The following RIGI variants were observed in gnomAD, a reference collection of about 807,000 sequenced individuals.
RIGI encodes RNA sensor RIG-I, also known as antiviral innate immune response receptor RIG-I.
the RIGI span, among the ~76,000 whole-genome samples, chr9:32,459,978 T>G: frequency 7.0e-6 from 1 of 142,816 alleles, no homozygotes; most frequent in East Asian, 2.0e-4. Context: ...AAATCTCAAC[T>G]TGAATTGTAT....
chr9:32,484,854 G>T, the RIGI span, among the ~76,000 whole-genome samples: 1 of 152,274 alleles, frequency 6.6e-6, no homozygotes, highest in African/African-American at 2.4e-5. Context: ...GTAGAGGAAT[G>T]GTGGTTTCAT....
the RIGI span, among the ~76,000 whole-genome samples, chr9:32,505,418 G>A: frequency 2.6e-5 from 4 of 152,048 alleles, no homozygotes; most frequent in African/African-American, 4.8e-5. Context: ...TATTGTGATT[G>A]TACTCTATAA....
chr9:32,468,909 T>C, the RIGI span, among the ~76,000 whole-genome samples: 1 of 152,160 alleles, frequency 6.6e-6, no homozygotes. Context: ...CTTGTTTCTT[T>C]CTCCTGCTAG....
chr9:32,476,152 T>G, the RIGI span, among the ~76,000 whole-genome samples: 5 of 151,930 alleles, frequency 3.3e-5, no homozygotes, highest in African/African-American at 1.2e-4. Context: ...TGACTAAAAT[T>G]TAAAAAGTAA....
At chr9:32,461,255 C>T in the RIGI span, among the ~76,000 whole-genome samples, 1 of 152,218 alleles carries the variant, frequency 6.6e-6, no homozygotes. Flanking sequence ...GATGAAGGAA[C>T]ACTGAGAATC....
At chr9:32,467,706 C>T in the RIGI span, 1 of 1,492,690 alleles carries the variant, frequency 6.7e-7, no homozygotes, top group East Asian at 2.3e-5. Flanking sequence ...GACACATACA[C>T]TTATAAATCA....
chr9:32,505,171 G>A, the RIGI span, among the ~76,000 whole-genome samples: 1 of 150,334 alleles, frequency 6.7e-6, no homozygotes, highest in East Asian at 1.9e-4. Context: ...ATAGGGAATA[G>A]AGAAAAACTT....
At chr9:32,502,017 TC>T in the RIGI span, among the ~76,000 whole-genome samples, 1 of 152,176 alleles carries the variant, frequency 6.6e-6, no homozygotes, top group African/African-American at 2.4e-5. Context: ...TAGCAGTCAT[TC>T]CCTACTCTCC....
At chr9:32,474,877 T>C in the RIGI span, among the ~76,000 whole-genome samples, 1 of 152,324 alleles carries the variant, frequency 6.6e-6, no homozygotes, top group South Asian at 2.1e-4. Context: ...TAAAGAGATA[T>C]ACTATGGTCA....
chr9:32,483,853 A>G, the RIGI span, among the ~76,000 whole-genome samples: 1 of 152,110 alleles, frequency 6.6e-6, no homozygotes, highest in East Asian at 1.9e-4. Context: ...GCCTTTGCAT[A>G]TGCTATTCCC....
chr9:32,459,222 T>A, the RIGI span: 5 of 994,502 alleles, frequency 5.0e-6, no homozygotes, highest in East Asian at 1.1e-4. Flanking sequence ...TTTAGTATTT[T>A]TTTTTCACTT....
the RIGI span, chr9:32,459,356 A>G: frequency 6.2e-7 from 1 of 1,610,788 alleles, no homozygotes; most frequent in East Asian, 2.2e-5. Context: ...GGCACTTTGT[A>G]AAAAGGCAGC....
chr9:32,487,390 C>G, the RIGI span: 1 of 1,334,448 alleles, frequency 7.5e-7, no homozygotes, highest in Non-Finnish European at 1.0e-6. Context: ...GGTCAAAGTT[C>G]AGTATTCGTC....
the RIGI span, among the ~76,000 whole-genome samples, chr9:32,494,979 T>C: frequency 6.6e-6 from 1 of 152,328 alleles, no homozygotes; most frequent in South Asian, 2.1e-4. Flanking sequence ...AATGCTACTA[T>C]CAACATGGAT....
chr9:32,512,599 C>T, the RIGI span, among the ~76,000 whole-genome samples: 1 of 152,180 alleles, frequency 6.6e-6, no homozygotes, highest in Non-Finnish European at 1.5e-5. Context: ...TATGACAAAC[C>T]CACAGCCAAT....
At chr9:32,459,476 ATC>A in the RIGI span, 2 of 1,612,456 alleles carry the variant, frequency 1.2e-6, no homozygotes, top group Non-Finnish European at 1.7e-6. Flanking sequence ...TTTCTTGACT[ATC>A]TCTGATGAAT....
the RIGI span, among the ~76,000 whole-genome samples, chr9:32,521,295 G>A: frequency 6.6e-6 from 1 of 151,914 alleles, no homozygotes; most frequent in African/African-American, 2.4e-5. Flanking sequence ...TAAAATGTTT[G>A]TATAATATTG....
At chr9:32,488,673 A>T in the RIGI span, 4 of 1,452,382 alleles carry the variant, frequency 2.8e-6, no homozygotes, top group Non-Finnish European at 3.6e-6. Flanking sequence ...AAAACAAAAC[A>T]GAAAACACAT....
At chr9:32,503,210 C>T in the RIGI span, among the ~76,000 whole-genome samples, 3 of 152,092 alleles carry the variant, frequency 2.0e-5, no homozygotes, top group Admixed American at 1.3e-4. Context: ...AGATATTCCA[C>T]GTGGAGATGC....
Sources: gnomAD v4.1 joint callset for allele counts (sites outside exome capture counted in the v4.1 genomes callset) on GRCh38, gnomAD v4.1.1 for gene constraint, MANE v1.5 for transcripts, NCBI Gene and HGNC (gene_info 2026-07-23, HGNC 2026-07-21) for gene names.